Variants in CSMD3 observed in about 807,000 individuals in gnomAD.
The protein encoded by CSMD3 is CUB and sushi domain-containing protein 3.
Under a neutral mutation model 435.2 loss-of-function variants are expected in CSMD3, and 177 were observed. That is an observed-to-expected ratio of 0.41 (90% confidence interval 0.36 to 0.46). The LOEUF (loss-of-function observed/expected upper bound fraction) is 0.46, where lower values mean the gene tolerates loss of function less well. Ranked by LOEUF, CSMD3 falls within the 20% of genes least tolerant of loss-of-function variation. The pLI is 0.34. For synonymous variants in CSMD3, 1,656 were observed against 1,520.5 expected (o/e 1.09, Z -2.07); for missense variants, 4,265 against 4,504.6 (o/e 0.95, Z 1.52).
chr8:112,778,687 C>T (rs769042257), intron 13 of CSMD3, among the ~76,000 whole-genome samples: 3 of 151,862 alleles, frequency 2.0e-5, no homozygotes, highest in East Asian at 3.9e-4. Context: ...AGTTCATTTG[C>T]GTAAATTTCA....
chr8:112,436,787 C>T lies in CSMD3; in HGVS notation c.5396-27755G>A, dbSNP rs183390378. Among the ~76,000 whole-genome samples, 298 of 151,934 alleles carry T rather than the reference C, an allele frequency of 2.0e-3. 1 individual carries two copies. The highest frequency in any genetic ancestry group is 6.7e-3 in the African/African-American group (278 of 41,470). ...AGGTTCTATATAAATTTTATGTTAG[C>T]GTAGTAGGAGTCTACTGAAATGCTG... is the stretch of plus-strand genomic sequence containing the variant. On this transcript the variant is annotated intron_variant, in intron 32 of 70. Coordinates refer to ENST00000297405, the MANE Select transcript of CSMD3 (RefSeq NM_198123.2).
intron 7 of CSMD3, among the ~76,000 whole-genome samples, chr8:112,959,921 T>C (rs1157768724): frequency 4.6e-5 from 7 of 151,912 alleles, no homozygotes; most frequent in South Asian, 2.1e-4. Context: ...TTAGCAGACC[T>C]ATGTTCTGAG....
chr8:113,245,760 T>C (rs539777591), intron 3 of CSMD3, among the ~76,000 whole-genome samples: 1 of 152,134 alleles, frequency 6.6e-6, no homozygotes, highest in East Asian at 1.9e-4. Flanking sequence ...TACTGTCTAA[T>C]GTCATTTCCT....
chr8:112,805,607 T>C (rs2079067012), intron 12 of CSMD3, among the ~76,000 whole-genome samples: 3 of 152,024 alleles, frequency 2.0e-5, no homozygotes, highest in Admixed American at 2.0e-4. Flanking sequence ...AAGAAGAAAA[T>C]AAATTTATTG....
At chr8:113,222,026 GTTAA>G (rs1297504676) in intron 3 of CSMD3, among the ~76,000 whole-genome samples, 2 of 62,196 alleles carry the variant, frequency 3.2e-5, no homozygotes, top group Non-Finnish European at 6.2e-5. Context: ...TGCTTTGAAG[GTTAA>G]GTAAATGCAT....
chr8:112,933,015 C>T (rs150730112), intron 9 of CSMD3, among the ~76,000 whole-genome samples: 14 of 151,968 alleles, frequency 9.2e-5, no homozygotes, highest in African/African-American at 3.4e-4. Flanking sequence ...AAAACAAAAA[C>T]AAAAATAAGA....
intron 42 of CSMD3, among the ~76,000 whole-genome samples, chr8:112,341,142 C>T (rs1016077888): frequency 2.0e-5 from 3 of 152,022 alleles, no homozygotes; most frequent in African/African-American, 2.4e-5. Context: ...TCAATATATT[C>T]CTTTTAATAT....
intron 27 of CSMD3, among the ~76,000 whole-genome samples, chr8:112,545,590 A>T: frequency 6.6e-6 from 1 of 151,272 alleles, no homozygotes; most frequent in Non-Finnish European, 1.5e-5. Flanking sequence ...AGAATGCTTC[A>T]TTTTATCTCT....
chr8:112,526,395 G>GTC (rs1362100914), intron 27 of CSMD3, among the ~76,000 whole-genome samples: 8 of 150,038 alleles, frequency 5.3e-5, no homozygotes, highest in Middle Eastern at 3.5e-3. Flanking sequence ...GCTTTACTTT[G>GTC]TCTCTCTCTC....
intron 36 of CSMD3, among the ~76,000 whole-genome samples, chr8:112,387,930 C>T (rs1830117177): frequency 1.3e-5 from 2 of 152,166 alleles, no homozygotes; most frequent in Non-Finnish European, 2.9e-5. Flanking sequence ...TTCCACTGTA[C>T]TAGTTGTCAG....
At chr8:113,211,038 C>G (rs1039413595) in intron 3 of CSMD3, among the ~76,000 whole-genome samples, 1 of 152,058 alleles carries the variant, frequency 6.6e-6, no homozygotes, top group Non-Finnish European at 1.5e-5. Context: ...TGCTCAGATA[C>G]CCTGATGATG....
At chr8:113,288,845 G>C (rs577268512) in intron 2 of CSMD3, among the ~76,000 whole-genome samples, 17 of 151,872 alleles carry the variant, frequency 1.1e-4, no homozygotes, top group Non-Finnish European at 2.4e-4. Flanking sequence ...GATAAGATGA[G>C]GTAAATACTA....
chr8:112,843,450 C>CA (rs1315096877), intron 11 of CSMD3, among the ~76,000 whole-genome samples: 8 of 151,368 alleles, frequency 5.3e-5, no homozygotes, highest in East Asian at 1.9e-4. Flanking sequence ...CTCCCTAATC[C>CA]AAAAAAAAGC....
intron 12 of CSMD3, among the ~76,000 whole-genome samples, chr8:112,817,611 A>G (rs962146205): frequency 1.3e-5 from 2 of 152,062 alleles, no homozygotes; most frequent in Non-Finnish European, 2.9e-5. Context: ...AAACTTTGGG[A>G]AAAAACATCC....
intron 27 of CSMD3, chr8:112,539,399 GA>G (rs1826450431): frequency 6.6e-6 from 1 of 151,992 alleles, no homozygotes; most frequent in Admixed American, 6.6e-5. Context: ...ACTCTTCAGA[GA>G]AAATTTTTTA....
intron 59 of CSMD3, among the ~76,000 whole-genome samples, chr8:112,279,568 A>G (rs542414268): frequency 6.6e-6 from 1 of 152,172 alleles, no homozygotes; most frequent in Non-Finnish European, 1.5e-5. Context: ...AGCCCAACTT[A>G]GATTAAAACA....
chr8:113,176,663 A>C (rs902794126), intron 3 of CSMD3, among the ~76,000 whole-genome samples: 4 of 152,112 alleles, frequency 2.6e-5, no homozygotes, highest in African/African-American at 9.6e-5. Flanking sequence ...TCAGAACAGA[A>C]AACCAAACAC....
chr8:113,098,984 T>C (rs1156912973), intron 4 of CSMD3, 21 bp from the exon 5 acceptor site: 1 of 1,484,648 alleles, frequency 6.7e-7, no homozygotes. Context: ...TGACAAAATA[T>C]TCAGTTGTAA....
intron 13 of CSMD3, among the ~76,000 whole-genome samples, chr8:112,750,128 A>C (rs1454027117): frequency 1.3e-5 from 2 of 152,048 alleles, no homozygotes; most frequent in Non-Finnish European, 2.9e-5. Context: ...AAATAAAACA[A>C]AATCCAATCT....
Sources: allele counts gnomAD v4.1 joint callset (sites outside exome capture counted in the v4.1 genomes callset), GRCh38; gene constraint gnomAD v4.1.1; transcripts MANE v1.5; gene names NCBI Gene and HGNC (gene_info 2026-07-23, HGNC 2026-07-21).